ZMAT4: variants seen among roughly 807,000 people sequenced by gnomAD.
ZMAT4 encodes the protein zinc finger matrin-type 4.
ZMAT4 carries 17 observed loss-of-function variants against 28.7 expected under a neutral mutation model. The ratio of observed to expected loss-of-function variants is 0.59; its 90% CI spans 0.41 to 0.89. ZMAT4 has a LOEUF of 0.89. Ranked by LOEUF, ZMAT4 falls within the 40% of genes least tolerant of loss-of-function variation. The probability of loss-of-function intolerance (pLI) is 0.00; values close to 1 mark genes in which losing one functional copy is unlikely to be tolerated. For synonymous variants in ZMAT4, 117 were observed against 109.2 expected, an observed-to-expected ratio of 1.07 and a Z score of -0.44; for missense variants, 240 against 283.8, an observed-to-expected ratio of 0.85 and a Z score of 1.11.
At chr8:40,820,578 TTATG>T (rs1033448368) in intron 2 of ZMAT4, among the ~76,000 whole-genome samples, 59 of 135,574 alleles carry the variant, frequency 4.4e-4, no homozygotes, top group South Asian at 1.8e-3. Context: ...GTTTTGGTGT[TTATG>T]TGTGTATCTG....
rs1333814781 is a variant in ZMAT4, at chr8:40,825,570, C to A, written c.102+5G>T. The A allele has an allele frequency of 5.8e-6, 9 of 1,551,348 alleles. No individual in the cohort carries two copies. In the East Asian group the frequency reaches 2.2e-4, roughly 38 times the overall value. On this transcript the variant is annotated splice_donor_5th_base_variant and intron_variant, in intron 2 of 6. Transcript: ENST00000297737. ...TGCAAACAGAGTGGGAAACGCTGTC[C>A]TTACCTCGTAGTGGGCCACACGCTG...
chr8:40,726,869 G>C (rs573830449), intron 3 of ZMAT4, among the ~76,000 whole-genome samples: 1 of 152,116 alleles, frequency 6.6e-6, no homozygotes, highest in Non-Finnish European at 1.5e-5. Context: ...GGGCTAATGC[G>C]TTCCGCTTCT....
rs137970084 is a variant in ZMAT4, at chr8:40,653,638, T to C, written c.577+21066A>G. Among the ~76,000 whole-genome samples, 6 of 152,118 alleles carry C rather than the reference T, an allele frequency of 3.9e-5. No individual in the cohort carries two copies. In the East Asian group the frequency reaches 1.2e-3, roughly 29 times the overall value. On this transcript the variant is annotated intron_variant, in intron 5 of 6. Coordinates refer to ENST00000297737, the MANE Select transcript of ZMAT4 (RefSeq NM_024645.3). ...GATTGTTAGTTAATACTATGGAAAATTGCATGCCAATAAATAAGACAACCT... is the reference window on the plus strand; with the variant it reads ...GATTGTTAGTTAATACTATGGAAAACTGCATGCCAATAAATAAGACAACCT...
At chr8:40,853,496 C>A (rs1352508135) in intron 1 of ZMAT4, among the ~76,000 whole-genome samples, 1 of 152,126 alleles carries the variant, frequency 6.6e-6, no homozygotes, top group Non-Finnish European at 1.5e-5. Flanking sequence ...GAAGAGGTTG[C>A]AGTGAGCCAA....
At chr8:40,617,178 C>T (rs147454440) in intron 5 of ZMAT4, among the ~76,000 whole-genome samples, 6 of 152,138 alleles carry the variant, frequency 3.9e-5, no homozygotes, top group African/African-American at 1.4e-4. Context: ...ATATTGTTAA[C>T]AAAAAGTGTA....
At chr8:40,764,988 T>A (rs1291558650) in intron 3 of ZMAT4, among the ~76,000 whole-genome samples, 1 of 147,592 alleles carries the variant, frequency 6.8e-6, no homozygotes. Context: ...TGTACCACCA[T>A]GCCTGGCTAA....
At chr8:40,787,005 T>C (rs1814113834) in intron 2 of ZMAT4, among the ~76,000 whole-genome samples, 1 of 152,182 alleles carries the variant, frequency 6.6e-6, no homozygotes, top group Non-Finnish European at 1.5e-5. Flanking sequence ...CCAAGAGTGG[T>C]ACATAAATTA....
intron 5 of ZMAT4, among the ~76,000 whole-genome samples, chr8:40,607,865 A>C (rs901738451): frequency 3.3e-5 from 5 of 152,080 alleles, no homozygotes; most frequent in African/African-American, 1.2e-4. Flanking sequence ...GTCTGCAAAG[A>C]GTCCTGGGAT....
intron 2 of ZMAT4, among the ~76,000 whole-genome samples, chr8:40,769,385 C>T (rs1177896629): frequency 6.6e-6 from 1 of 152,028 alleles, no homozygotes; most frequent in Non-Finnish European, 1.5e-5. Context: ...ACAATGCAGG[C>T]TTATATTTTT....
chr8:40,643,578 TC>T (rs1267969254), intron 5 of ZMAT4, among the ~76,000 whole-genome samples: 13 of 151,946 alleles, frequency 8.6e-5, no homozygotes. Flanking sequence ...CATCACAAAC[TC>T]CGTCCAGAGG....
chr8:40,692,305 T>A (rs538717628), intron 4 of ZMAT4, among the ~76,000 whole-genome samples: 1 of 152,340 alleles, frequency 6.6e-6, no homozygotes, highest in South Asian at 2.1e-4. Context: ...TATTGCTAAA[T>A]TTGATGTCAT....
chr8:40,643,046 G>C (rs1807117951), intron 5 of ZMAT4, among the ~76,000 whole-genome samples: 1 of 152,160 alleles, frequency 6.6e-6, no homozygotes, highest in African/African-American at 2.4e-5. Flanking sequence ...AGATACCATG[G>C]AGGCCATGTT....
intron 5 of ZMAT4, among the ~76,000 whole-genome samples, chr8:40,665,239 A>T (rs35661898): frequency 6.6e-6 from 1 of 151,236 alleles, no homozygotes; most frequent in Non-Finnish European, 1.5e-5. Context: ...CACACACACA[A>T]AAAAAACAAA....
At chr8:40,574,368 T>C (rs1804193756) in intron 6 of ZMAT4, among the ~76,000 whole-genome samples, 1 of 152,132 alleles carries the variant, frequency 6.6e-6, no homozygotes, top group South Asian at 2.1e-4. Flanking sequence ...TGTAAGTATC[T>C]AATAATATAC....
chr8:40,760,200 C>G (rs962664862), intron 3 of ZMAT4, among the ~76,000 whole-genome samples: 2 of 152,198 alleles, frequency 1.3e-5, no homozygotes, highest in Non-Finnish European at 2.9e-5. Flanking sequence ...CACCTACTCC[C>G]TTGACTCTCC....
chr8:40,824,732 GAAGA>G (rs1554564956), intron 2 of ZMAT4, among the ~76,000 whole-genome samples: 4 of 127,244 alleles, frequency 3.1e-5, no homozygotes, highest in South Asian at 2.5e-4. Flanking sequence ...AAGAAAGAAA[GAAGA>G]AAGAAAGAAA....
intron 2 of ZMAT4, among the ~76,000 whole-genome samples, chr8:40,799,915 A>C (rs564037348): frequency 4.6e-5 from 7 of 152,344 alleles, no homozygotes; most frequent in Non-Finnish European, 1.0e-4. Context: ...TCCAGGCAAT[A>C]AAAAGAGTAA....
chr8:40,555,107 A>G (rs1803490462), intron 6 of ZMAT4, among the ~76,000 whole-genome samples: 1 of 152,134 alleles, frequency 6.6e-6, no homozygotes. Context: ...ATTTTACTTA[A>G]CATAATGAGT....
chr8:40,765,236 T>C (rs1462942099), intron 3 of ZMAT4, among the ~76,000 whole-genome samples: 1 of 151,940 alleles, frequency 6.6e-6, no homozygotes, highest in East Asian at 1.9e-4. Context: ...ATATATTCAG[T>C]CTCTCAATTC....
Sources: gnomAD v4.1 joint callset for allele counts (sites outside exome capture counted in the v4.1 genomes callset) on GRCh38, gnomAD v4.1.1 for gene constraint, MANE v1.5 for transcripts, NCBI Gene and HGNC (gene_info 2026-07-23, HGNC 2026-07-21) for gene names.